Variants in C4orf51 observed in about 807,000 individuals in gnomAD.
The protein encoded by C4orf51 is uncharacterized protein C4orf51.
Under a neutral mutation model 25.2 loss-of-function variants are expected in C4orf51, and 25 were observed. That is an observed-to-expected ratio of 0.99 (90% CI 0.72 to 1.39). C4orf51 has a LOEUF of 1.39. Among genes scored for constraint, C4orf51 ranks in the 40% most tolerant of loss-of-function variants. The pLI is 0.00. For synonymous variants in C4orf51, 100 were observed against 84.5 expected (o/e 1.18, Z -1.01); for missense variants, 252 against 239.6 (o/e 1.05, Z -0.34).
intron 1 of C4orf51, among the ~76,000 whole-genome samples, chr4:145,738,912 A>T (rs1408360508): frequency 6.6e-6 from 1 of 152,090 alleles, no homozygotes; most frequent in Non-Finnish European, 1.5e-5. Context: ...AAGTCCTGGG[A>T]TTACTGGCAT....
chr4:145,732,966 A>G (rs1424079320), downstream of C4orf51, among the ~76,000 whole-genome samples: 1 of 152,124 alleles, frequency 6.6e-6, no homozygotes, highest in Non-Finnish European at 1.5e-5. Context: ...GCAGAGCCGG[A>G]GCCTTCCACC....
intron 1 of C4orf51, among the ~76,000 whole-genome samples, chr4:145,744,843 A>T (rs1162053998): frequency 6.9e-6 from 1 of 144,146 alleles, no homozygotes. Flanking sequence ...ACAGATTGAA[A>T]CTCTGTCTCA....
intron 1 of C4orf51, among the ~76,000 whole-genome samples, chr4:145,690,694 A>G (rs1220682186): frequency 6.6e-6 from 1 of 152,164 alleles, no homozygotes; most frequent in Non-Finnish European, 1.5e-5. Flanking sequence ...GAGTAAAGAG[A>G]CAACCCACAG....
the C4orf51 span, among the ~76,000 whole-genome samples, chr4:145,791,551 A>G: frequency 6.6e-6 from 1 of 152,252 alleles, no homozygotes; most frequent in Non-Finnish European, 1.5e-5. Flanking sequence ...AATAATAAGT[A>G]GCATAGTTGG....
chr4:145,692,390 G>T (rs1053966529), intron 1 of C4orf51, among the ~76,000 whole-genome samples: 1 of 152,204 alleles, frequency 6.6e-6, no homozygotes, highest in African/African-American at 2.4e-5. Context: ...GTGACAAAAT[G>T]TATTAAGAGA....
At chr4:145,779,737 TTCTC>T in the C4orf51 span, among the ~76,000 whole-genome samples, 2 of 152,368 alleles carry the variant, frequency 1.3e-5, no homozygotes, top group Admixed American at 6.5e-5. Flanking sequence ...CTTCAGTATT[TTCTC>T]TCTTTCTTCA....
intron 1 of C4orf51, among the ~76,000 whole-genome samples, chr4:145,738,540 A>G (rs1053118504): frequency 2.6e-5 from 4 of 151,950 alleles, no homozygotes; most frequent in African/African-American, 9.7e-5. Flanking sequence ...GTTGGTGTTA[A>G]TTATATTTTT....
At position 145,763,650 on chromosome 4, in the gene C4orf51, T is replaced by C. The variant is rs1312077983; in HGVS notation, n.167-7338T>C. 6.6e-6 allele frequency among the ~76,000 whole-genome samples: 1 copy of C among 152,194 alleles called. No individual in the cohort carries two copies. Among genetic ancestry groups the C allele is most frequent in the Non-Finnish European group, 1.5e-5 (1 of 68,020 alleles). ...GCAATGTTCATGGGTGTGACTGGGC[T>C]ACTGGGAAGGGCAGTGAGCACTGGT... is the stretch of plus-strand genomic sequence containing the variant. On this transcript the variant is annotated intron_variant and non_coding_transcript_variant, in intron 1 of 1. Coordinates refer to the C4orf51 transcript ENST00000510096. The surrounding 1 kb of genome is among the most constrained non-coding windows in gnomAD (Gnocchi z 4.6).
chr4:145,775,648 G>A, downstream of C4orf51: 1 of 1,061,898 alleles, frequency 9.4e-7, no homozygotes, highest in Non-Finnish European at 1.4e-6. Flanking sequence ...GGCTCAATCT[G>A]AGCAAAGAAA....
At chr4:145,778,492 G>A in the C4orf51 span, among the ~76,000 whole-genome samples, 2 of 152,074 alleles carry the variant, frequency 1.3e-5, no homozygotes, top group South Asian at 4.1e-4. Context: ...TGCACCTGTA[G>A]TCCCAGCTAC....
intron 1 of C4orf51, among the ~76,000 whole-genome samples, chr4:145,769,823 C>T (rs531719277): frequency 6.6e-6 from 1 of 152,268 alleles, no homozygotes; most frequent in South Asian, 2.1e-4. Context: ...AAAAACAAAA[C>T]AAAACCCCTA....
chr4:145,781,063 G>A, the C4orf51 span, among the ~76,000 whole-genome samples: 1 of 151,876 alleles, frequency 6.6e-6, no homozygotes, highest in Admixed American at 6.5e-5. Flanking sequence ...GGGCGTGGTG[G>A]CGGGCGCCTG....
At chr4:145,722,793 C>G (rs1423526078) in intron 2 of C4orf51, among the ~76,000 whole-genome samples, 2 of 152,118 alleles carry the variant, frequency 1.3e-5, no homozygotes, top group South Asian at 4.1e-4. Context: ...GCACTACTGC[C>G]TGAGCTCCGC....
At chr4:145,750,905 T>C (rs1462240113) in intron 1 of C4orf51, among the ~76,000 whole-genome samples, 3 of 152,164 alleles carry the variant, frequency 2.0e-5, no homozygotes, top group Admixed American at 6.5e-5. Context: ...CAATTCCTTC[T>C]GCTTGATCAA....
chr4:145,702,514 G>A (rs1730522858), intron 2 of C4orf51, among the ~76,000 whole-genome samples: 1 of 152,098 alleles, frequency 6.6e-6, no homozygotes, highest in African/African-American at 2.4e-5. Context: ...TCATCTGTTA[G>A]TCATACTCCT....
intron 2 of C4orf51, among the ~76,000 whole-genome samples, chr4:145,705,843 G>T (rs1292464088): frequency 1.3e-5 from 2 of 152,162 alleles, no homozygotes; most frequent in East Asian, 3.8e-4. Flanking sequence ...CCAAAATAAG[G>T]GGGTGATGAT....
At chr4:145,694,110 G>A (rs1481548930) in intron 1 of C4orf51, among the ~76,000 whole-genome samples, 20 of 134,680 alleles carry the variant, frequency 1.5e-4, no homozygotes, top group Non-Finnish European at 2.7e-4. Context: ...CAGATGGGGC[G>A]GCGGGGCAGA....
intron 1 of C4orf51, chr4:145,760,720 G>GTT (rs10715391): frequency 3.8e-4 from 265 of 705,992 alleles, no homozygotes; most frequent in African/African-American, 2.2e-3. Flanking sequence ...AAGTTTTGTG[G>GTT]TTTTTTTTTT....
chr4:145,761,436 G>A lies in C4orf51; in HGVS notation n.167-9552G>A. The A allele has an allele frequency of 7.8e-7, 1 of 1,289,884 alleles. No individual in the cohort carries two copies. Among genetic ancestry groups the A allele is most frequent in the Non-Finnish European group, 1.0e-6 (1 of 988,882 alleles). The allele number at this position is 1,289,884 out of a possible 1,614,324, so 79.9% of individuals were successfully genotyped here. On this transcript the variant is annotated intron_variant and non_coding_transcript_variant, in intron 1 of 1. Coordinates refer to the C4orf51 transcript ENST00000510096. The surrounding 1 kb of genome is among the most constrained non-coding windows in gnomAD (Gnocchi z 6.8). ...ACAGGTAGCCGCACTGGTCGCACTT[G>A]TAGTGGTTGCCCAGGCGGTGCTCCC...
Sources: gnomAD v4.1 joint callset for allele counts (sites outside exome capture counted in the v4.1 genomes callset) on GRCh38, gnomAD v4.1.1 for gene constraint, Gnocchi (gnomAD v3.1) non-coding constraint, MANE v1.5 for transcripts, NCBI Gene and HGNC (gene_info 2026-07-23, HGNC 2026-07-21) for gene names.